The following GPHN variants were observed in gnomAD, a reference collection of about 807,000 sequenced individuals.
GPHN encodes the protein gephyrin.
GPHN carries 17 observed loss-of-function variants against 95.5 expected under a neutral mutation model. That is an observed-to-expected ratio of 0.18 (90% CI 0.12 to 0.27). The LOEUF is 0.27. Among genes scored for constraint, GPHN ranks in the 10% least tolerant of loss-of-function variants. The pLI, the probability that GPHN is intolerant of heterozygous loss-of-function variation, is 1.00. For missense variants in GPHN, 660 were observed against 978.1 expected (o/e 0.67, Z 4.34); for synonymous variants, 320 against 322.5 (o/e 0.99, Z 0.08).
chr14:67,695,331 G>C, the GPHN span, among the ~76,000 whole-genome samples: 1 of 152,288 alleles, frequency 6.6e-6, no homozygotes, highest in South Asian at 2.1e-4. Flanking sequence ...AAGCGTTTGA[G>C]GTAGCCTTAC....
At chr14:67,133,129 A>G (rs550848721) in intron 17 of GPHN, among the ~76,000 whole-genome samples, 21 of 152,274 alleles carry the variant, frequency 1.4e-4, no homozygotes, top group African/African-American at 5.1e-4. Flanking sequence ...GTAGACACCC[A>G]GAAAAGATTT....
At chr14:67,496,758 C>T in the GPHN span, among the ~76,000 whole-genome samples, 1 of 129,152 alleles carries the variant, frequency 7.7e-6, no homozygotes, top group Non-Finnish European at 1.6e-5. Flanking sequence ...TTCCTTCCTC[C>T]CTCCCTCCCT....
chr14:67,011,983 C>A (rs1341403007), intron 9 of GPHN, among the ~76,000 whole-genome samples: 1 of 152,064 alleles, frequency 6.6e-6, no homozygotes, highest in Non-Finnish European at 1.5e-5. Flanking sequence ...TATAGGAAAT[C>A]AAAAGGAACC....
the GPHN span, among the ~76,000 whole-genome samples, chr14:67,441,126 A>G: frequency 2.6e-5 from 4 of 152,216 alleles, no homozygotes; most frequent in Non-Finnish European, 5.9e-5. Flanking sequence ...GAACGTTTTT[A>G]AAAGAAAAAT....
chr14:67,328,749 T>G, the GPHN span, among the ~76,000 whole-genome samples: 3 of 152,196 alleles, frequency 2.0e-5, no homozygotes, highest in Admixed American at 2.0e-4. Context: ...TTTCCCCATT[T>G]CTTCTTTTTG....
In GPHN at chr14:66,995,991, T is replaced by C. The variant is rs537985929; in HGVS notation, c.964-27642T>C. 4.5e-4 allele frequency among the ~76,000 whole-genome samples: 69 copies of C among 152,328 alleles called. 1 individual carries two copies. The highest frequency in any genetic ancestry group is 2.1e-4 in the South Asian group (1 of 4,822). On this transcript the variant is annotated intron_variant, in intron 9 of 22. Transcript: ENST00000478722. ...GATTTTTTTTTAGCAAGGTATTTTT[T>C]GTCACAAAGTTTTCCTTCAAATAAC...
chr14:66,821,059 T>C (rs976164868), intron 3 of GPHN, among the ~76,000 whole-genome samples: 1 of 152,188 alleles, frequency 6.6e-6, no homozygotes, highest in African/African-American at 2.4e-5. Context: ...GTTGCTTTCA[T>C]GAAAAAATCT....
chr14:66,533,307 C>T (rs1471845455), intron 1 of GPHN, among the ~76,000 whole-genome samples: 3 of 152,130 alleles, frequency 2.0e-5, no homozygotes, highest in Non-Finnish European at 4.4e-5. Flanking sequence ...CTTACTTTGC[C>T]ACCATAAACA....
chr14:67,143,514 G>A (rs2080628096), intron 18 of GPHN, 65 bp downstream of exon 18: 1 of 1,022,324 alleles, frequency 9.8e-7, no homozygotes, highest in East Asian at 2.4e-5. Context: ...TCGATTAACT[G>A]TGGTCTGGTA....
the GPHN span, chr14:67,198,253 A>T: frequency 1.2e-6 from 2 of 1,613,894 alleles, no homozygotes; most frequent in Admixed American, 1.7e-5. Flanking sequence ...GATCTTCAAA[A>T]TATGTTGGAT....
At chr14:66,557,090 C>G (rs1482167507) in intron 1 of GPHN, among the ~76,000 whole-genome samples, 1 of 151,774 alleles carries the variant, frequency 6.6e-6, no homozygotes, top group South Asian at 2.1e-4. Flanking sequence ...GCATGTAGTC[C>G]CAGTTACTCA....
intron 11 of GPHN, chr14:67,059,096 C>T (rs1036627020): frequency 1.3e-5 from 6 of 455,656 alleles, no homozygotes; most frequent in Non-Finnish European, 2.3e-5. Context: ...AGAAAGGGTT[C>T]TCAGCACTGA....
the GPHN span, among the ~76,000 whole-genome samples, chr14:67,324,184 T>G: frequency 6.6e-6 from 1 of 152,240 alleles, no homozygotes; most frequent in Non-Finnish European, 1.5e-5. Context: ...TTTATCCCAC[T>G]GAAACTTTAT....
chr14:67,663,128 G>A, the GPHN span: 22 of 1,526,362 alleles, frequency 1.4e-5, no homozygotes, highest in African/African-American at 9.7e-5. Flanking sequence ...TCCCCTTTCA[G>A]CCTTTCCCAT....
At chr14:66,525,450 C>T (rs891760093) in intron 1 of GPHN, among the ~76,000 whole-genome samples, 2 of 152,166 alleles carry the variant, frequency 1.3e-5, no homozygotes, top group Non-Finnish European at 2.9e-5. Flanking sequence ...GTTGCCTGTT[C>T]ACTCTGATGG....
At chr14:66,956,560 T>G (rs934881369) in intron 8 of GPHN, among the ~76,000 whole-genome samples, 1 of 151,910 alleles carries the variant, frequency 6.6e-6, no homozygotes, top group African/African-American at 2.4e-5. Context: ...TTTCCTGACT[T>G]TTTAATGATC....
chr14:66,579,406 G>C (rs1048613589), intron 1 of GPHN, among the ~76,000 whole-genome samples: 1 of 151,178 alleles, frequency 6.6e-6, no homozygotes, highest in Non-Finnish European at 1.5e-5. Flanking sequence ...AAAAGATACA[G>C]AGCAGCTGAA....
intron 4 of GPHN, among the ~76,000 whole-genome samples, chr14:66,859,179 T>C (rs1373294817): frequency 1.3e-5 from 2 of 152,062 alleles, no homozygotes; most frequent in African/African-American, 4.8e-5. Context: ...AGCCAGATAG[T>C]GGTTACAGTA....
chr14:67,333,078 T>TAAGAACAGATCTACA, the GPHN span: 2 of 815,164 alleles, frequency 2.5e-6, no homozygotes, highest in Non-Finnish European at 3.8e-6. Context: ...GCTGTAGATC[T>TAAGAACAGATCTACA]GTTCTTAGAT....
Sources: allele counts gnomAD v4.1 joint callset (sites outside exome capture counted in the v4.1 genomes callset), GRCh38; gene constraint gnomAD v4.1.1; transcripts MANE v1.5; gene names NCBI Gene and HGNC (gene_info 2026-07-23, HGNC 2026-07-21).